The following UPF2 variants were observed in gnomAD, a reference collection of about 807,000 sequenced individuals.
The protein encoded by UPF2 is UPF2 regulator of nonsense mediated mRNA decay.
A neutral mutation model predicts 141.4 loss-of-function variants in UPF2; 17 were observed. The observed-to-expected ratio is 0.12, with a 90% confidence interval of 0.08 to 0.18. The LOEUF (loss-of-function observed/expected upper bound fraction) is 0.18, where lower values mean the gene tolerates loss of function less well. UPF2 is among the 10% of genes least tolerant of loss of function. The pLI, the probability that UPF2 is intolerant of heterozygous loss-of-function variation, is 1.00. For missense variants in UPF2, 1,152 were observed against 1,515.9 expected (o/e 0.76, Z 3.99); for synonymous variants, 540 against 498.0 (o/e 1.08, Z -1.12).
intron 21 of UPF2, among the ~76,000 whole-genome samples, chr10:11,929,626 G>GC (rs1832757398): frequency 6.6e-6 from 1 of 152,112 alleles, no homozygotes; most frequent in African/African-American, 2.4e-5. Flanking sequence ...GGACGACAGA[G>GC]CAAGACCTTG....
Position 12,035,237 on chromosome 10 carries a change from C to G in UPF2, c.187G>C (p.Asp63His), listed in dbSNP as rs772875780. The part of the protein sequence containing the change: ...PEDKKKRLED[D>H]KRKKEDKERK... ...TCCTTGTCTTCCTTTTTTCTCTTAT[C>G]ATCTTCCAGTCTCTTCTTCTTGTCT... Residue 63 changes from aspartate to histidine, a missense_variant, in exon 2 of 22, where the codon GAT becomes CAT. Physicochemically the swap from Asp to His is moderately conservative, Grantham distance 81 (BLOSUM62 -1). This residue lies in a region of UPF2 where 145 missense variants were observed against 136.5 expected (regional missense o/e 1.06). Transcript: ENST00000357604. The G allele has an allele frequency of 6.2e-7, 1 of 1,613,268 alleles. No homozygotes were observed. Among genetic ancestry groups the G allele is most frequent in the Non-Finnish European group, 8.5e-7 (1 of 1,179,860 alleles).
chr10:12,026,588 C>A (rs552467126), intron 3 of UPF2: 10 of 448,126 alleles, frequency 2.2e-5, no homozygotes, highest in South Asian at 1.6e-4. Flanking sequence ...TCCCCAACCA[C>A]TGGACACTTC....
chr10:12,027,598 C>A (rs1024377103), intron 3 of UPF2, among the ~76,000 whole-genome samples: 3 of 152,150 alleles, frequency 2.0e-5, no homozygotes, highest in African/African-American at 7.2e-5. Flanking sequence ...CCAGTCCTCG[C>A]AAATCAAAAC....
At chr10:11,937,784 C>T (rs1832872789) in intron 18 of UPF2, among the ~76,000 whole-genome samples, 1 of 152,118 alleles carries the variant, frequency 6.6e-6, no homozygotes, top group South Asian at 2.1e-4. Flanking sequence ...AAGAGACTTG[C>T]AAATCAAGCA....
chr10:11,993,669 C>A (rs1833819178), intron 8 of UPF2, among the ~76,000 whole-genome samples: 1 of 152,088 alleles, frequency 6.6e-6, no homozygotes, highest in Non-Finnish European at 1.5e-5. Flanking sequence ...ACTAAAATTA[C>A]CACATGTCAG....
At chr10:11,947,282 C>T (rs769212026) in intron 16 of UPF2, among the ~76,000 whole-genome samples, 1 of 152,012 alleles carries the variant, frequency 6.6e-6, no homozygotes, top group African/African-American at 2.4e-5. Context: ...AGAAACAGTA[C>T]AAGAACAATT....
In UPF2 at chr10:11,943,127, C is replaced by T. The variant is rs775621336; in HGVS notation, c.3216G>A (p.Glu1072=). 5 of 1,611,868 alleles carry T rather than the reference C, an allele frequency of 3.1e-6. No homozygotes were observed. Among genetic ancestry groups the T allele is most frequent in the Admixed American group, 3.3e-5 (2 of 59,952 alleles). ...CTGTAAGGTAATCTGTATTCTCTTC[C>T]TCCTCTTCTTCTCCCTCATCATCAT... is the stretch of plus-strand genomic sequence containing the variant. The part of the protein sequence containing the change: ...DNDDDEGEEE[E]EENTDYLTDS... Residue 1072 remains glutamate (E), a synonymous_variant, in exon 17 of 22, where the codon GAG becomes GAA. Coordinates refer to ENST00000357604, the MANE Select transcript of UPF2 (RefSeq NM_015542.4).
At position 12,001,757 on chromosome 10, in the gene UPF2, G is replaced by A. The variant is rs759375337; in HGVS notation, c.1573C>T (p.Leu525=). ...TCTAAGGTGTCATCATTAATTTCTAGATTCTCCAACTCAAGTTCCAAATCA... is the reference window on the plus strand; with the variant it reads ...TCTAAGGTGTCATCATTAATTTCTAAATTCTCCAACTCAAGTTCCAAATCA... ...PDDLELELEN[L]EINDDTLELE... is the part of the protein sequence containing the mutation. The change falls in exon 6 of 22, where the codon CTA becomes TTA. Residue 525 remains leucine, a synonymous_variant. Coordinates refer to ENST00000357604, the MANE Select transcript of UPF2 (RefSeq NM_015542.4). The A allele has an allele frequency of 1.2e-6, 2 of 1,612,804 alleles. No individual in the cohort carries two copies. Among genetic ancestry groups the A allele is most frequent in the Admixed American group, 1.7e-5 (1 of 59,852 alleles).
rs1286375863 is a variant in UPF2 at position 12,025,017 on chromosome 10, T to A, written c.1145+3728A>T. On this transcript the variant is annotated intron_variant, in intron 3 of 21. Transcript: ENST00000357604. ...TGATCATTTTAGCAGAACACCATAA[T>A]GTACCCTTGCAGAAGGTAGGAAACT... Among the ~76,000 whole-genome samples, 4 of 148,344 alleles carry A rather than the reference T, an allele frequency of 2.7e-5. No individual in the cohort carries two copies. In the East Asian group the frequency reaches 7.9e-4, roughly 29 times the overall value.
intron 16 of UPF2, among the ~76,000 whole-genome samples, chr10:11,947,764 G>T (rs951862529): frequency 1.9e-4 from 25 of 129,266 alleles, no homozygotes; most frequent in African/African-American, 6.9e-4. Context: ...TCCAGCCTTG[G>T]CAACAGAGAG....
At chr10:12,025,458 G>A (rs1834402613) in intron 3 of UPF2, among the ~76,000 whole-genome samples, 1 of 152,062 alleles carries the variant, frequency 6.6e-6, no homozygotes, top group Non-Finnish European at 1.5e-5. Context: ...AGCTGAGGTA[G>A]GAGAATTGCT....
intron 8 of UPF2, among the ~76,000 whole-genome samples, chr10:11,983,054 A>G (rs556142846): frequency 1.3e-5 from 2 of 152,326 alleles, no homozygotes; most frequent in Middle Eastern, 3.4e-3. Flanking sequence ...CAGCACTCAA[A>G]CAGTGCCTGG....
Position 11,920,622 on chromosome 10 carries a change from TTC to T in UPF2, c.*674_*675del, listed in dbSNP as rs1832629493. On this transcript the variant is annotated 3_prime_UTR_variant, in exon 22 of 22. Coordinates refer to ENST00000357604, the MANE Select transcript of UPF2 (RefSeq NM_015542.4). ...GTATAGTAAAATAGTCTCCACATTT[TTC>T]TTTTACCTTAATAGGCAATTTTATA... 2 of 196,666 alleles carry T rather than the reference TTC, an allele frequency of 1.0e-5. No homozygotes were observed. Among genetic ancestry groups the T allele is most frequent in the Non-Finnish European group, 1.1e-5 (1 of 94,406 alleles). 12.2% of individuals were successfully genotyped at this position (196,666 alleles called of 1,614,324 possible).
intron 8 of UPF2, among the ~76,000 whole-genome samples, chr10:11,983,673 T>G (rs927575988): frequency 1.3e-5 from 2 of 151,322 alleles, no homozygotes; most frequent in Non-Finnish European, 3.0e-5. Flanking sequence ...TGCCCGGCCT[T>G]GGATTCTTAT....
rs1357627651 is a variant in UPF2, at chr10:11,931,860, G to T, written c.3547-78C>A. 1.3e-6 allele frequency: 2 copies of T among 1,497,276 alleles called. No homozygotes were observed. Among genetic ancestry groups the T allele is most frequent in the East Asian group, 2.3e-5 (1 of 42,806 alleles). The allele number at this position is 1,497,276 out of a possible 1,614,324, so 92.7% of individuals were successfully genotyped here. A position where few individuals can be genotyped will look rare whatever the true frequency, so the allele number is the denominator to read the frequency against. On this transcript the variant is annotated intron_variant, in intron 19 of 21. Transcript: ENST00000357604. The surrounding 1 kb of genome is among the most constrained non-coding windows in gnomAD (Gnocchi z 5.9). Reference sequence around the variant, plus strand: ...GAAAAAACAGACTTCAAATAAAATAGCAAGTACAGGCTGGGCACGGTGGCT... The same window carrying T: ...GAAAAAACAGACTTCAAATAAAATATCAAGTACAGGCTGGGCACGGTGGCT...
At chr10:11,976,348 T>C (rs912951907) in intron 9 of UPF2, among the ~76,000 whole-genome samples, 1 of 151,996 alleles carries the variant, frequency 6.6e-6, no homozygotes, top group Admixed American at 6.6e-5. Context: ...TGGCAGGAGG[T>C]ATGAAGAGGA....
rs1834474856 is a variant in UPF2, at chr10:12,029,352, T to C, written c.538A>G (p.Thr180Ala). 7 of 1,614,058 alleles carry C rather than the reference T, an allele frequency of 4.3e-6. No individual in the cohort carries two copies. Among genetic ancestry groups the C allele is most frequent in the Non-Finnish European group, 5.9e-6 (7 of 1,180,044 alleles). The change falls in exon 3 of 22, where the codon ACT becomes GCT. Residue 180 changes from threonine (T) to alanine (A), a missense_variant. By Grantham distance (58) the Thr-to-Ala change is moderately conservative. Transcript: ENST00000357604. ...KNTAFVKKLK[T>A]ITEQQRDSLS... ...GAGTCTCTCTGTTGTTCTGTAATAGTTTTTAGTTTCTTGACAAAAGCAGTA... is the reference window on the plus strand; with the variant it reads ...GAGTCTCTCTGTTGTTCTGTAATAGCTTTTAGTTTCTTGACAAAAGCAGTA...
chr10:12,007,892 T>G (rs1247102421), intron 4 of UPF2, among the ~76,000 whole-genome samples: 1 of 142,750 alleles, frequency 7.0e-6, no homozygotes, highest in Non-Finnish European at 1.5e-5. Context: ...TACAAAGTGC[T>G]TTTTTTTTTT....
At chr10:11,967,694 C>T (rs958911994) in intron 9 of UPF2, among the ~76,000 whole-genome samples, 15 of 151,592 alleles carry the variant, frequency 9.9e-5, no homozygotes, top group Admixed American at 4.6e-4. Context: ...GGATTACAGG[C>T]GCCCACCACC....
Sources: gnomAD v4.1 joint callset for allele counts (sites outside exome capture counted in the v4.1 genomes callset) on GRCh38, gnomAD v4.1.1 for gene constraint, gnomAD v4.1.1 regional missense constraint, Gnocchi (gnomAD v3.1) non-coding constraint, MANE v1.5 for transcripts, NCBI Gene and HGNC (gene_info 2026-07-23, HGNC 2026-07-21) for gene names.